RERE: variants seen among roughly 807,000 people sequenced by gnomAD.
The protein encoded by RERE is arginine-glutamic acid dipeptide repeats.
A neutral mutation model predicts 146.1 loss-of-function variants in RERE; 40 were observed. The observed-to-expected ratio is 0.27, with a 90% CI of 0.21 to 0.36. The LOEUF (loss-of-function observed/expected upper bound fraction) is 0.36. Among genes scored for constraint, RERE ranks in the 10% least tolerant of loss-of-function variants. RERE has a pLI of 1.00. For synonymous variants in RERE, 1,003 were observed against 866.0 expected (o/e 1.16, Z -2.78); for missense variants, 1,933 against 2,138.7 (o/e 0.90, Z 1.90).
intron 7 of RERE, among the ~76,000 whole-genome samples, chr1:8,509,382 C>T (rs1243871071): frequency 6.6e-6 from 1 of 151,796 alleles, no homozygotes; most frequent in Non-Finnish European, 1.5e-5. Flanking sequence ...GAAAACTTAT[C>T]CTAGGACATA....
chr1:8,614,449 C>CAT (rs1646827678), intron 4 of RERE, 112 bp downstream of exon 4: 1 of 1,154,162 alleles, frequency 8.7e-7, no homozygotes, highest in Non-Finnish European at 1.2e-6. Context: ...TTTAAAAACA[C>CAT]ATATAATACA....
intron 4 of RERE, among the ~76,000 whole-genome samples, chr1:8,576,986 G>A (rs529371337): frequency 5.9e-5 from 9 of 152,216 alleles, no homozygotes; most frequent in South Asian, 4.2e-4. Context: ...TGGCTAACAC[G>A]GTGAAACCCC....
At chr1:8,543,794 C>T (rs1257485514) in intron 6 of RERE, among the ~76,000 whole-genome samples, 1 of 151,942 alleles carries the variant, frequency 6.6e-6, no homozygotes, top group Non-Finnish European at 1.5e-5. Flanking sequence ...TACTGGCTTA[C>T]AGAAAGCCAA....
intron 10 of RERE, among the ~76,000 whole-genome samples, chr1:8,489,610 T>G (rs1644949300): frequency 6.6e-6 from 1 of 151,746 alleles, no homozygotes; most frequent in Non-Finnish European, 1.5e-5. Flanking sequence ...GAAATTCCAA[T>G]AAAACCTCAA....
At chr1:8,433,973 T>G (rs1420522050) in intron 11 of RERE, among the ~76,000 whole-genome samples, 3 of 152,228 alleles carry the variant, frequency 2.0e-5, no homozygotes, top group Non-Finnish European at 4.4e-5. Flanking sequence ...TTCCTCTTTT[T>G]CCTAATCTTC....
At chr1:8,784,172 G>C (rs1394113342) in intron 1 of RERE, among the ~76,000 whole-genome samples, 1 of 152,124 alleles carries the variant, frequency 6.6e-6, no homozygotes, top group Non-Finnish European at 1.5e-5. Context: ...CCTTTCCACT[G>C]ACTATTCTCC....
intron 8 of RERE, among the ~76,000 whole-genome samples, chr1:8,502,277 C>CG (rs1645178870): frequency 8.6e-6 from 1 of 116,738 alleles, no homozygotes; most frequent in Non-Finnish European, 1.8e-5. Flanking sequence ...TGCCCGGCCG[C>CG]CCCTACTGGG....
At chr1:8,716,996 A>G (rs996305522) in intron 1 of RERE, among the ~76,000 whole-genome samples, 1 of 152,200 alleles carries the variant, frequency 6.6e-6, no homozygotes, top group Non-Finnish European at 1.5e-5. Context: ...GGAAAAAGAC[A>G]CAATCACAAT....
chr1:8,362,844 T>A lies in RERE; in HGVS notation c.1741A>T (p.Met581Leu). 6.2e-7 allele frequency: 1 copy of A among 1,609,784 alleles called. No homozygotes were observed. Among genetic ancestry groups the A allele is most frequent in the Non-Finnish European group, 8.5e-7 (1 of 1,177,554 alleles). Residue 581 changes from methionine (M) to leucine (L), a missense_variant and splice_region_variant, in exon 16 of 23, where the codon ATG becomes TTG. Physicochemically the swap from Met to Leu is conservative, Grantham distance 15. This residue lies in a region of RERE where 1,255 missense variants were observed against 1,153.8 expected (regional missense o/e 1.09). Transcript: ENST00000400908. Reference sequence around the variant, plus strand: ...TTCCGACCACTGCGTAGTGTCGACATCTGCCCACCCAAACCGAAGACTGGT... The same window carrying A: ...TTCCGACCACTGCGTAGTGTCGACAACTGCCCACCCAAACCGAAGACTGGT... ...SMRTRRSRGSMSTLRSGRKKQ... is the reference protein window; with the variant it reads ...SMRTRRSRGSLSTLRSGRKKQ...
intron 11 of RERE, among the ~76,000 whole-genome samples, chr1:8,462,785 G>C (rs1644543700): frequency 6.6e-6 from 1 of 152,180 alleles, no homozygotes; most frequent in African/African-American, 2.4e-5. Flanking sequence ...CTTGCCTGTA[G>C]TCCCAGCTGC....
intron 4 of RERE, among the ~76,000 whole-genome samples, chr1:8,606,305 C>T (rs981241213): frequency 1.3e-5 from 2 of 152,004 alleles, no homozygotes; most frequent in African/African-American, 4.8e-5. Context: ...CTAGCTGTCA[C>T]CTCAAAAAAT....
Position 8,423,417 on chromosome 1 carries a change from C to T in RERE, c.1204-610G>A. ...CAGAGAATAACCAGCACCCCTTCCG[C>T]CCTCCCGACGCCACTCGCCGCCCCC... On this transcript the variant is annotated intron_variant, in intron 11 of 22. Transcript: ENST00000400908. This position sits in a 1 kb window ranked among gnomAD's most constrained non-coding sequence, Gnocchi z 5.4. 6.8e-6 allele frequency: 3 copies of T among 438,312 alleles called. No individual in the cohort carries two copies. Among genetic ancestry groups the T allele is most frequent in the Non-Finnish European group, 6.1e-6 (2 of 329,566 alleles). 27.2% of individuals were successfully genotyped at this position (438,312 alleles called of 1,614,324 possible).
chr1:8,782,823 T>C (rs993098598), intron 1 of RERE, among the ~76,000 whole-genome samples: 2 of 152,126 alleles, frequency 1.3e-5, no homozygotes, highest in Non-Finnish European at 2.9e-5. Context: ...GGAGAATCAC[T>C]TGAACCCGGG....
intron 1 of RERE, among the ~76,000 whole-genome samples, chr1:8,734,645 T>C (rs1336664046): frequency 1.3e-5 from 2 of 152,216 alleles, no homozygotes; most frequent in Non-Finnish European, 2.9e-5. Flanking sequence ...ATAGTTACTA[T>C]AGGGAATTAA....
chr1:8,466,081 CG>C, intron 10 of RERE, 58 bp from the exon 11 acceptor site: 1 of 1,416,986 alleles, frequency 7.1e-7, no homozygotes, highest in East Asian at 2.3e-5. Context: ...AGGACACAAT[CG>C]ATCCAAGGCA....
chr1:8,515,886 T>C (rs1645407791), intron 7 of RERE, among the ~76,000 whole-genome samples: 1 of 152,064 alleles, frequency 6.6e-6, no homozygotes, highest in Admixed American at 6.6e-5. Context: ...CATCTATCTT[T>C]ATCCTCATCT....
At chr1:8,522,553 A>G (rs1165361528) in intron 7 of RERE, among the ~76,000 whole-genome samples, 1 of 152,214 alleles carries the variant, frequency 6.6e-6, no homozygotes, top group African/African-American at 2.4e-5. Context: ...GCCACGAGTC[A>G]AGGAAGAAGT....
At position 8,360,654 on chromosome 1, in the gene RERE, G is replaced by A. The variant is rs780333990; in HGVS notation, c.2853C>T (p.Leu951=). The change falls in exon 18 of 23, where the codon CTC becomes CTT. Residue 951 remains leucine, a synonymous_variant. Transcript: ENST00000400908. ...APQAHKHPPH[L]SGPSPFSMNA... Reference sequence around the variant, plus strand: ...TCATGGAGAAGGGTGAGGGCCCCGAGAGGTGGGGAGGGTGCTTGTGGGCCT... The same window carrying A: ...TCATGGAGAAGGGTGAGGGCCCCGAAAGGTGGGGAGGGTGCTTGTGGGCCT... 25 of 1,528,408 alleles carry A rather than the reference G, an allele frequency of 1.6e-5. No individual in the cohort carries two copies. The highest frequency in any genetic ancestry group is 2.1e-5 in the Non-Finnish European group (24 of 1,139,672). The allele number at this position is 1,528,408 out of a possible 1,614,324, so 94.7% of individuals were successfully genotyped here. A position where few individuals can be genotyped will look rare whatever the true frequency, so the allele number is the denominator to read the frequency against.
At chr1:8,378,523 C>T (rs1190091514) in intron 12 of RERE, among the ~76,000 whole-genome samples, 2 of 152,106 alleles carry the variant, frequency 1.3e-5, no homozygotes, top group East Asian at 3.9e-4. Context: ...TCAAGTGAGC[C>T]CTAATCCAGT....
Sources: allele counts gnomAD v4.1 joint callset (sites outside exome capture counted in the v4.1 genomes callset), GRCh38; gene constraint gnomAD v4.1.1; regional missense constraint gnomAD v4.1.1; non-coding constraint Gnocchi (gnomAD v3.1); transcripts MANE v1.5; gene names NCBI Gene and HGNC (gene_info 2026-07-23, HGNC 2026-07-21).